RUBCNL: variants seen among roughly 807,000 people sequenced by gnomAD.
RUBCNL encodes protein associated with UVRAG as autophagy enhancer.
RUBCNL carries 62 observed loss-of-function variants against 69.5 expected under a neutral mutation model. The ratio of observed to expected loss-of-function variants is 0.89; its 90% CI spans 0.73 to 1.10. RUBCNL has a LOEUF of 1.10. RUBCNL is among the 50% of genes least tolerant of loss of function. The pLI is 0.00. For synonymous variants in RUBCNL, 291 were observed against 303.6 expected (o/e 0.96, Z 0.43); for missense variants, 768 against 798.1 (o/e 0.96, Z 0.45).
intron 1 of RUBCNL, among the ~76,000 whole-genome samples, chr13:46,380,632 C>T (rs2049097558): frequency 6.6e-6 from 1 of 152,082 alleles, no homozygotes; most frequent in Admixed American, 6.5e-5. Context: ...TGCCTCTGGA[C>T]AATTGTTCAC....
chr13:46,385,666 C>CAAAAAAAAA (rs5803337), intron 1 of RUBCNL, among the ~76,000 whole-genome samples: 1 of 119,182 alleles, frequency 8.4e-6, no homozygotes, highest in Non-Finnish European at 1.9e-5. Context: ...AAAGATCATG[C>CAAAAAAAAA]AAAAAAAAAA....
At position 46,341,857 on chromosome 13, in the gene RUBCNL, A is replaced by C. The variant is rs1222105337; in HGVS notation, c.*1528T>G. On this transcript the variant is annotated 3_prime_UTR_variant, in exon 15 of 15. Transcript: ENST00000429979. ...CATGCACTTCCTGTGGGAACCTAGG[A>C]AAGTTATTTCTCTTCTCTAGGCCTC... 6.6e-6 allele frequency: 1 copy of C among 152,226 alleles called. No homozygotes were observed. The highest frequency in any genetic ancestry group is 2.4e-5 in the African/African-American group (1 of 41,460). 9.4% of individuals were successfully genotyped at this position (152,226 alleles called of 1,614,324 possible). A position where few individuals can be genotyped will look rare whatever the true frequency, so the allele number is the denominator to read the frequency against.
chr13:46,364,304 G>A (rs569592657), intron 5 of RUBCNL, among the ~76,000 whole-genome samples: 21 of 152,222 alleles, frequency 1.4e-4, no homozygotes, highest in East Asian at 7.7e-4. Flanking sequence ...GGCTGAGGCC[G>A]GAGAATCGCT....
At chr13:46,353,845 A>G in intron 10 of RUBCNL, among the ~76,000 whole-genome samples, 1 of 152,236 alleles carries the variant, frequency 6.6e-6, no homozygotes, top group East Asian at 1.9e-4. Flanking sequence ...ACATGTGGCT[A>G]TTGAGTACTT....
Position 46,338,745 on chromosome 13 carries a change from C to T in RUBCNL, c.*4640G>A, listed in dbSNP as rs1159104113. 6.6e-6 allele frequency among the ~76,000 whole-genome samples: 1 copy of T among 151,956 alleles called. No homozygotes were observed. Among genetic ancestry groups the T allele is most frequent in the Non-Finnish European group, 1.5e-5 (1 of 67,960 alleles). ...CTGGGGAGAAAGAAGCCTGGAAGCA[C>T]AAGCAGAGGCCAGAAAATGTTCAAG... is the stretch of plus-strand genomic sequence containing the variant. On this transcript the variant is annotated 3_prime_UTR_variant, in exon 15 of 15. Coordinates refer to ENST00000429979, the MANE Select transcript of RUBCNL (RefSeq NM_025113.5).
At chr13:46,365,571 T>C (rs1039655997) in intron 5 of RUBCNL, among the ~76,000 whole-genome samples, 3 of 152,166 alleles carry the variant, frequency 2.0e-5, no homozygotes, top group African/African-American at 4.8e-5. Flanking sequence ...TGGCAGGACA[T>C]TGCTTCTGAA....
Position 46,345,616 on chromosome 13 carries a change from C to CA in RUBCNL, c.1632-17dup. 3.7e-6 allele frequency: 6 copies of CA among 1,612,142 alleles called. No individual in the cohort carries two copies. Among genetic ancestry groups the CA allele is most frequent in the Non-Finnish European group, 5.1e-6 (6 of 1,178,934 alleles). The stretch of plus-strand genomic sequence containing the variant: ...CTTTAATGCACTGCCAGAGAGGAAA[C>CA]AAAGAGGAATTCAGAAACCCACCCA... On this transcript the variant is annotated splice_polypyrimidine_tract_variant and intron_variant, in intron 12 of 14. Coordinates refer to ENST00000429979, the MANE Select transcript of RUBCNL (RefSeq NM_025113.5).
Position 46,339,026 on chromosome 13 carries a change from G to A in RUBCNL, c.*4359C>T, listed in dbSNP as rs142808082. Reference sequence around the variant, plus strand: ...ACGCCAACTGCACTCCAGCCTGGGCGACAGAGCGAGACCCTGTCTCAAAAA... The same window carrying A: ...ACGCCAACTGCACTCCAGCCTGGGCAACAGAGCGAGACCCTGTCTCAAAAA... On this transcript the variant is annotated 3_prime_UTR_variant, in exon 15 of 15. Transcript: ENST00000429979. Among the ~76,000 whole-genome samples, 1,351 of 146,746 alleles carry A rather than the reference G, an allele frequency of 9.2e-3. 14 individuals carry two copies. The highest frequency in any genetic ancestry group is 0.032 in the African/African-American group (1,249 of 39,046).
chr13:46,384,558 G>A lies in RUBCNL; in HGVS notation c.-239+2576C>T, dbSNP rs376510784. 1.3e-4 allele frequency among the ~76,000 whole-genome samples: 19 copies of A among 151,558 alleles called. 1 individual carries two copies. The highest frequency in any genetic ancestry group is 4.6e-4 in the African/African-American group (19 of 41,278). The stretch of plus-strand genomic sequence containing the variant: ...CTGCTTACTGTGGGTGCTTTTCAAC[G>A]TTACCTGTTAAAAAAAAACGTTGAG... On this transcript the variant is annotated intron_variant, in intron 1 of 14. Transcript: ENST00000429979.
rs1247571147 is a variant in RUBCNL, at chr13:46,368,741, C to T, written c.610G>A (p.Val204Ile). 2 of 1,612,930 alleles carry T rather than the reference C, an allele frequency of 1.2e-6. No homozygotes were observed. Among genetic ancestry groups the T allele is most frequent in the Non-Finnish European group, 1.7e-6 (2 of 1,179,222 alleles). The change falls in exon 4 of 15, where the codon GTA (valine) becomes ATA (isoleucine). Residue 204 changes from valine to isoleucine, a missense_variant. Physicochemically the swap from Val to Ile is conservative, Grantham distance 29. Transcript: ENST00000429979. ...AAGAAGATAGCATTCACCTTTTCTA[C>T]ATCAACAGGCAGCACAAATACCTCT... Reference protein sequence around the residue: ...SPEVFVLPVDVEKENAHFYVA... With the variant: ...SPEVFVLPVDIEKENAHFYVA...
intron 10 of RUBCNL, among the ~76,000 whole-genome samples, chr13:46,351,581 CA>C (rs1341099020): frequency 6.6e-6 from 1 of 152,036 alleles, no homozygotes; most frequent in Non-Finnish European, 1.5e-5. Context: ...AAATGTCCAT[CA>C]AAAGGCAATT....
intron 13 of RUBCNL, 137 bp downstream of exon 13, chr13:46,345,310 G>A: frequency 9.6e-7 from 1 of 1,040,184 alleles, no homozygotes; most frequent in Non-Finnish European, 1.4e-6. Context: ...TCACAGCTCT[G>A]ACCTCAGTTT....
intron 5 of RUBCNL, among the ~76,000 whole-genome samples, chr13:46,364,349 A>G (rs2048699867): frequency 6.6e-6 from 1 of 151,934 alleles, no homozygotes; most frequent in Admixed American, 6.6e-5. Context: ...GTAAGCTAAA[A>G]CCACACCATT....
chr13:46,364,608 C>CTG (rs1269406364), intron 5 of RUBCNL, among the ~76,000 whole-genome samples: 8 of 145,828 alleles, frequency 5.5e-5, no homozygotes, highest in Admixed American at 2.1e-4. Flanking sequence ...TTAGTACAGA[C>CTG]ACAATAATAT....
chr13:46,360,595 C>T (rs551946862), intron 8 of RUBCNL, among the ~76,000 whole-genome samples: 1 of 152,318 alleles, frequency 6.6e-6, no homozygotes, highest in Non-Finnish European at 1.5e-5. Flanking sequence ...ACAGTTCTGG[C>T]CAGCCCAATA....
intron 9 of RUBCNL, among the ~76,000 whole-genome samples, chr13:46,357,117 C>T (rs765624540): frequency 6.0e-5 from 9 of 150,932 alleles, no homozygotes; most frequent in Non-Finnish European, 8.9e-5. Flanking sequence ...CTGAGGCAGG[C>T]GGATCACGAG....
At chr13:46,349,442 AT>A in intron 11 of RUBCNL, 95 bp from the exon 12 acceptor site, 2 of 1,204,718 alleles carry the variant, frequency 1.7e-6, no homozygotes, top group Non-Finnish European at 2.4e-6. Context: ...TAAGCTTGAA[AT>A]GCTGCACTTG....
At chr13:46,356,350 A>G in intron 10 of RUBCNL, 82 bp downstream of exon 10, 1 of 1,361,982 alleles carries the variant, frequency 7.3e-7, no homozygotes, top group Non-Finnish European at 1.0e-6. Flanking sequence ...GGCATCTCTC[A>G]CACAAGCAAT....
chr13:46,343,454 C>T lies in RUBCNL; in HGVS notation c.1920G>A (p.Glu640=). 6.2e-7 allele frequency: 1 copy of T among 1,613,956 alleles called. No individual in the cohort carries two copies. The highest frequency in any genetic ancestry group is 1.1e-5 in the South Asian group (1 of 91,070). ...CTGTGATCCTCGCACACCGGGGGCA[C>T]TCGGAGGACTGGAAGCACTGTTTGT... ...CFHKQCFQSS[E]CPRCARITAR... is the part of the protein sequence containing the mutation. Residue 640 remains glutamate (E), a synonymous_variant, in exon 15 of 15, where the codon GAG becomes GAA. Transcript: ENST00000429979.
Sources: gnomAD v4.1 joint callset for allele counts (sites outside exome capture counted in the v4.1 genomes callset) on GRCh38, gnomAD v4.1.1 for gene constraint, MANE v1.5 for transcripts, NCBI Gene and HGNC (gene_info 2026-07-23, HGNC 2026-07-21) for gene names.